CC2D2B: variants seen among roughly 807,000 people sequenced by gnomAD.
CC2D2B encodes protein CC2D2B.
Under a neutral mutation model 161.2 loss-of-function variants are expected in CC2D2B, and 128 were observed. That is an observed-to-expected ratio of 0.79 (90% confidence interval 0.69 to 0.92). CC2D2B has a LOEUF of 0.92. Ranked by LOEUF, CC2D2B falls within the 40% of genes least tolerant of loss-of-function variation. The pLI is 0.00. For synonymous variants in CC2D2B, 391 were observed against 449.8 expected, an observed-to-expected ratio of 0.87 and a Z score of 1.65; for missense variants, 1,173 against 1,375.1, an observed-to-expected ratio of 0.85 and a Z score of 2.32.
chr10:96,020,166 A>C (rs997553192), intron 32 of CC2D2B: 4 of 170,558 alleles, frequency 2.3e-5, no homozygotes, highest in Non-Finnish European at 5.0e-5. Flanking sequence ...GTAAGGATCA[A>C]GTAGAAAAAT....
Position 95,965,960 on chromosome 10 carries a change from A to G in CC2D2B, c.1315A>G (p.Asn439Asp). 8.2e-7 allele frequency: 1 copy of G among 1,219,808 alleles called. No individual in the cohort carries two copies. The highest frequency in any genetic ancestry group is 1.0e-6 in the Non-Finnish European group (1 of 976,986). The allele number at this position is 1,219,808 out of a possible 1,614,324, so 75.6% of individuals were successfully genotyped here. ...ISEMSETEKK[N>D]EGKELKNGKK... ...AGAAATGTCTGAAACTGAGAAGAAA[A>G]ATGAAGGAAAAGAACTTAAGAATGG... is the stretch of plus-strand genomic sequence containing the variant. Residue 439 changes from asparagine (N) to aspartate (D), a missense_variant, in exon 13 of 35, where the codon AAT (asparagine) becomes GAT (aspartate). Physicochemically the swap from Asn to Asp is conservative, Grantham distance 23. This residue lies in a region of CC2D2B where 277 missense variants were observed against 420.6 expected (regional missense o/e 0.66). Coordinates refer to ENST00000646931, the MANE Select transcript of CC2D2B (RefSeq NM_001349008.3).
chr10:95,961,867 A>G lies in CC2D2B; in HGVS notation c.1148A>G (p.Asp383Gly). 6.5e-6 allele frequency: 8 copies of G among 1,230,958 alleles called. No individual in the cohort carries two copies. Among genetic ancestry groups the G allele is most frequent in the Non-Finnish European group, 8.1e-6 (8 of 987,082 alleles). 76.3% of individuals were successfully genotyped at this position (1,230,958 alleles called of 1,614,324 possible). A position where few individuals can be genotyped will look rare whatever the true frequency, so the allele number is the denominator to read the frequency against. The change falls in exon 12 of 35, where the codon GAC becomes GGC. Residue 383 changes from aspartate (D) to glycine (G), a missense_variant. Asp to Gly is a moderately conservative substitution (Grantham distance 94, BLOSUM62 -1). This residue lies in a region of CC2D2B where 298 missense variants were observed against 261.2 expected (regional missense o/e 1.14). Transcript: ENST00000646931. ...ATGTATGACTTAGAAAGGGGAAAGG[A>G]CCTCTCCCTACTACACAGTATATTA... ...KQMYDLERGKDLSLLHSILRT... is the reference protein window; with the variant it reads ...KQMYDLERGKGLSLLHSILRT...
chr10:95,956,012 A>G (rs2076557473), intron 11 of CC2D2B, among the ~76,000 whole-genome samples: 1 of 152,182 alleles, frequency 6.6e-6, no homozygotes, highest in African/African-American at 2.4e-5. Flanking sequence ...AATCTCTAAA[A>G]GCAGGAAAAT....
intron 15 of CC2D2B, among the ~76,000 whole-genome samples, chr10:95,971,371 A>T (rs908384639): frequency 1.3e-5 from 2 of 149,490 alleles, no homozygotes; most frequent in African/African-American, 4.9e-5. Flanking sequence ...CCTGGGCAAC[A>T]GAGCAAGACT....
At chr10:95,945,257 G>T (rs540571998) in intron 9 of CC2D2B, among the ~76,000 whole-genome samples, 1 of 152,174 alleles carries the variant, frequency 6.6e-6, no homozygotes, top group African/African-American at 2.4e-5. Context: ...TAGATTTTGT[G>T]TCAGACAAAT....
At chr10:95,945,196 T>G (rs1414528649) in intron 9 of CC2D2B, among the ~76,000 whole-genome samples, 1 of 152,226 alleles carries the variant, frequency 6.6e-6, no homozygotes, top group Non-Finnish European at 1.5e-5. Flanking sequence ...GGTACTCTGT[T>G]ATAGTAGAAC....
Position 96,025,174 on chromosome 10 carries a change from T to A in CC2D2B, c.3947+263T>A, listed in dbSNP as rs1278792277. Among the ~76,000 whole-genome samples, 102 of 15,070 alleles carry A rather than the reference T, an allele frequency of 6.8e-3. 4 individuals are homozygous for A. The East Asian group carries it at 0.12, about 17-fold the overall frequency. 9.9% of individuals were successfully genotyped at this position (15,070 alleles called of 152,430 possible). On this transcript the variant is annotated intron_variant, in intron 33 of 34. Transcript: ENST00000646931. ...AAAAAAATATATATATATATATATA[T>A]ATATATATATAAAAAAAAATATATA...
Position 96,025,192 on chromosome 10 carries a change from A to ATATATAT in CC2D2B, c.3947+281_3947+282insTATATAT, listed in dbSNP as rs1554853793. ...ATATATATATATATATATAAAAAAA[A>ATATATAT]ATATATATATATATATATATATATA... On this transcript the variant is annotated intron_variant, in intron 33 of 34. Coordinates refer to ENST00000646931, the MANE Select transcript of CC2D2B (RefSeq NM_001349008.3). Among the ~76,000 whole-genome samples, 253 of 49,156 alleles carry ATATATAT rather than the reference A, an allele frequency of 5.1e-3. 6 individuals are homozygous for ATATATAT. Among genetic ancestry groups the ATATATAT allele is most frequent in the Middle Eastern group, 0.031 (3 of 98 alleles). 32.2% of individuals were successfully genotyped at this position (49,156 alleles called of 152,430 possible). A position where few individuals can be genotyped will look rare whatever the true frequency, so the allele number is the denominator to read the frequency against.
At chr10:95,917,096 C>T (rs1449638751) in intron 2 of CC2D2B, among the ~76,000 whole-genome samples, 1 of 152,130 alleles carries the variant, frequency 6.6e-6, no homozygotes, top group Non-Finnish European at 1.5e-5. Flanking sequence ...TATGTATGTA[C>T]AATTATGACA....
intron 2 of CC2D2B, among the ~76,000 whole-genome samples, chr10:95,913,623 C>G (rs865975487): frequency 6.6e-6 from 1 of 152,134 alleles, no homozygotes; most frequent in African/African-American, 2.4e-5. Flanking sequence ...CTTTTGCCAG[C>G]ATTCATTATT....
chr10:95,934,539 A>T (rs2075744449), intron 6 of CC2D2B, among the ~76,000 whole-genome samples: 1 of 152,120 alleles, frequency 6.6e-6, no homozygotes, highest in African/African-American at 2.4e-5. Context: ...GGCCCTGGTG[A>T]CGTAGGCCCC....
intron 3 of CC2D2B, among the ~76,000 whole-genome samples, chr10:95,923,428 A>C (rs2098531919): frequency 6.6e-6 from 1 of 152,238 alleles, no homozygotes; most frequent in Non-Finnish European, 1.5e-5. Flanking sequence ...AGTAGGGGTC[A>C]GAAGTGTTAT....
intron 12 of CC2D2B, among the ~76,000 whole-genome samples, chr10:95,964,960 A>C (rs571802995): frequency 3.3e-5 from 5 of 152,292 alleles, no homozygotes; most frequent in African/African-American, 1.2e-4. Flanking sequence ...ACATATGCAG[A>C]CATAGGCTTT....
At chr10:95,924,439 A>T (rs1264446934) in intron 4 of CC2D2B, 49 bp downstream of exon 4, 14 of 984,474 alleles carry the variant, frequency 1.4e-5, no homozygotes, top group Non-Finnish European at 2.0e-5. Flanking sequence ...TTTAAATGAG[A>T]CATTTAACAC....
intron 5 of CC2D2B, among the ~76,000 whole-genome samples, chr10:95,925,876 T>A (rs555120233): frequency 1.3e-5 from 2 of 152,336 alleles, no homozygotes; most frequent in Admixed American, 1.3e-4. Context: ...GCATATCATA[T>A]CATTTCCACC....
chr10:95,980,093 T>TTC (rs1428096668), intron 17 of CC2D2B, among the ~76,000 whole-genome samples: 1 of 152,162 alleles, frequency 6.6e-6, no homozygotes, highest in Non-Finnish European at 1.5e-5. Context: ...ACCAAAGAGT[T>TTC]TCCCATGCCT....
chr10:95,927,468 G>C, intron 6 of CC2D2B, 136 bp downstream of exon 6: 2 of 618,328 alleles, frequency 3.2e-6, no homozygotes, highest in Non-Finnish European at 5.8e-6. Flanking sequence ...GAATTAAGAA[G>C]CTGTTCATAA....
rs770491579 is a variant in CC2D2B, at chr10:96,012,567, G to T, written c.3264G>T (p.Gln1088His). The change falls in exon 28 of 35, where the codon CAG (glutamine) becomes CAT (histidine). Residue 1088 changes from glutamine to histidine, a missense_variant. Gln to His is a conservative substitution (Grantham distance 24, BLOSUM62 0). Coordinates refer to ENST00000646931, the MANE Select transcript of CC2D2B (RefSeq NM_001349008.3). ...LDQTEVLQRA[Q>H]IFKKNCKAMF... ...AAACAGAGGTCTTGCAGAGAGCACA[G>T]ATTTTTAAAAAGAATTGTAAGGCAA... 3 of 1,613,062 alleles carry T rather than the reference G, an allele frequency of 1.9e-6. No homozygotes were observed. Among genetic ancestry groups the T allele is most frequent in the Non-Finnish European group, 2.5e-6 (3 of 1,179,210 alleles).
rs1020869256 is a variant in CC2D2B at position 96,012,591 on chromosome 10, A to C, written c.3288A>C (p.Ala1096=). The change falls in exon 28 of 35, where the codon GCA becomes GCC. Residue 1096 remains alanine (A), a synonymous_variant. Coordinates refer to ENST00000646931, the MANE Select transcript of CC2D2B (RefSeq NM_001349008.3). ...RAQIFKKNCK[A]MFPNRRIVTT... ...AGATTTTTAAAAAGAATTGTAAGGC[A>C]ATGTTTCCCAACCGAAGAATCGTAA... 1 of 1,613,224 alleles carries C rather than the reference A, an allele frequency of 6.2e-7. No homozygotes were observed. Among genetic ancestry groups the C allele is most frequent in the African/African-American group, 1.3e-5 (1 of 74,890 alleles).
Sources: allele counts gnomAD v4.1 joint callset (sites outside exome capture counted in the v4.1 genomes callset), GRCh38; gene constraint gnomAD v4.1.1; regional missense constraint gnomAD v4.1.1; transcripts MANE v1.5; gene names NCBI Gene and HGNC (gene_info 2026-07-23, HGNC 2026-07-21).